TNS3: variants seen among roughly 807,000 people sequenced by gnomAD.
The protein encoded by TNS3 is tensin 3, also known as tensin-3.
A neutral mutation model predicts 140.9 loss-of-function variants in TNS3; 45 were observed. The observed-to-expected ratio is 0.32, with a 90% CI of 0.25 to 0.41. The LOEUF is 0.41. Among genes scored for constraint, TNS3 ranks in the 10% least tolerant of loss-of-function variants. TNS3 has a pLI of 1.00. For missense variants in TNS3, 1,716 were observed against 1,906.7 expected (o/e 0.90, Z 1.86); for synonymous variants, 815 against 788.4 (o/e 1.03, Z -0.56).
chr7:47,338,097 G>GT (rs1788735696), intron 20 of TNS3, among the ~76,000 whole-genome samples: 1 of 52,350 alleles, frequency 1.9e-5, no homozygotes, highest in East Asian at 5.2e-4. Flanking sequence ...ACTACAATTT[G>GT]TTTAACCACT....
intron 12 of TNS3, among the ~76,000 whole-genome samples, chr7:47,412,705 C>T (rs1349223737): frequency 6.6e-6 from 1 of 152,188 alleles, no homozygotes; most frequent in Non-Finnish European, 1.5e-5. Context: ...TCACAGTTAA[C>T]CTTCCCTATT....
chr7:47,344,926 T>C lies in TNS3; in HGVS notation c.2564A>G (p.Tyr855Cys), dbSNP rs1789243847. Residue 855 changes from tyrosine (Y) to cysteine (C), a missense_variant and splice_region_variant, in exon 19 of 31, where the codon TAT (tyrosine) becomes TGT (cysteine). By Grantham distance (194) the Tyr-to-Cys change is radical. Transcript: ENST00000311160. The stretch of plus-strand genomic sequence containing the variant: ...AGCTAGTGTTACTTCATTCTTACCA[T>C]ACGGTGTCTCTGGAGACACAGGAAA... ...PAFPVSPETP[Y>C]VKTALRHPPF... 3.1e-6 allele frequency: 5 copies of C among 1,614,094 alleles called. No homozygotes were observed. The highest frequency in any genetic ancestry group is 2.2e-5 in the East Asian group (1 of 44,886).
In TNS3 at chr7:47,302,291, A is replaced by G. The variant is rs552196324; in HGVS notation, c.3458-19T>C. On this transcript the variant is annotated intron_variant, in intron 22 of 30. Coordinates refer to ENST00000311160, the MANE Select transcript of TNS3 (RefSeq NM_022748.12). ...GGACTATCTGTAAAGCAAAATTTAA[A>G]AACAGTGACCATGATGGGCACTTTT... 3.7e-6 allele frequency: 6 copies of G among 1,603,884 alleles called. No individual in the cohort carries two copies. In the South Asian group the frequency reaches 6.6e-5, roughly 18 times the overall value.
chr7:47,333,106 C>CA (rs1788434150), intron 20 of TNS3, among the ~76,000 whole-genome samples: 1 of 147,272 alleles, frequency 6.8e-6, no homozygotes, highest in Admixed American at 6.8e-5. Flanking sequence ...AAGCCAACAC[C>CA]TTTTTTTTTT....
chr7:47,518,953 A>G (rs1394377112), intron 2 of TNS3, among the ~76,000 whole-genome samples: 2 of 152,218 alleles, frequency 1.3e-5, no homozygotes, highest in Non-Finnish European at 2.9e-5. Flanking sequence ...CAAATAGGAC[A>G]CTGAATCAGC....
intron 16 of TNS3, among the ~76,000 whole-genome samples, chr7:47,382,457 A>G (rs563432220): frequency 1.3e-5 from 2 of 152,182 alleles, no homozygotes; most frequent in South Asian, 2.1e-4. Context: ...GATTATATGG[A>G]GCCTGTGCAG....
Position 47,292,039 on chromosome 7 carries a change from G to A in TNS3, c.3851-7C>T, listed in dbSNP as rs775230325. ...GCTATTTCCTCCAATGGATCTGTAG[G>A]AAGGGGCAAGAAAATACAGAAATGA... On this transcript the variant is annotated splice_region_variant and splice_polypyrimidine_tract_variant and intron_variant, in intron 26 of 30. Coordinates refer to ENST00000311160, the MANE Select transcript of TNS3 (RefSeq NM_022748.12). 5 of 1,613,814 alleles carry A rather than the reference G, an allele frequency of 3.1e-6. No homozygotes were observed. Among genetic ancestry groups the A allele is most frequent in the South Asian group, 1.1e-5 (1 of 91,006 alleles).
chr7:47,413,892 C>A (rs1793925999), intron 12 of TNS3, 45 bp downstream of exon 12: 1 of 1,610,598 alleles, frequency 6.2e-7, no homozygotes, highest in Non-Finnish European at 8.5e-7. Flanking sequence ...GTTCCCTGAG[C>A]CGTCCAGGTC....
In TNS3 at chr7:47,389,086, G is replaced by GCA. The variant is rs1290389805; in HGVS notation, c.1024+7713_1024+7714insTG. On this transcript the variant is annotated intron_variant, in intron 16 of 30. Coordinates refer to ENST00000311160, the MANE Select transcript of TNS3 (RefSeq NM_022748.12). ...AAGAAGAAGAAGAAGAAGAAGAAGAGGAAGAGGAAGAGGAAGCGGAAGCAG... is the reference window on the plus strand; with the variant it reads ...AAGAAGAAGAAGAAGAAGAAGAAGAGCAGAAGAGGAAGAGGAAGCGGAAGCAG... 5.7e-5 allele frequency among the ~76,000 whole-genome samples: 3 copies of GCA among 52,368 alleles called. 1 individual carries two copies. Among genetic ancestry groups the GCA allele is most frequent in the African/African-American group, 4.6e-4 (3 of 6,546 alleles). The allele number at this position is 52,368 out of a possible 152,430, so 34.4% of individuals were successfully genotyped here.
In TNS3 at chr7:47,415,133, C is replaced by A. The variant is rs768391549; in HGVS notation, c.547G>T (p.Val183Phe). ...AAGTTGGGGGTGCCGTGGAGGATGACAAAATGCAGGAACAGGGGAGAGGCA... is the reference window on the plus strand; with the variant it reads ...AAGTTGGGGGTGCCGTGGAGGATGAAAAAATGCAGGAACAGGGGAGAGGCA... ...MNASPLFLHF[V>F]ILHGTPNFDT... The change falls in exon 11 of 31, where the codon GTC (valine) becomes TTC (phenylalanine). Residue 183 changes from valine (V) to phenylalanine (F), a missense_variant. Transcript: ENST00000311160. The A allele has an allele frequency of 1.2e-6, 2 of 1,612,296 alleles. No homozygotes were observed.
Position 47,483,565 on chromosome 7 carries a change from G to C in TNS3, c.-114-2424C>G, listed in dbSNP as rs920209213. Among the ~76,000 whole-genome samples, 3 of 152,164 alleles carry C rather than the reference G, an allele frequency of 2.0e-5. No homozygotes were observed. In the East Asian group the frequency reaches 5.8e-4, roughly 29 times the overall value. Reference sequence around the variant, plus strand: ...CTCTCTGGAAGCACACGTTTGTTGAGACAATGAAAAGAAAAGCCTTGTGCA... The same window carrying C: ...CTCTCTGGAAGCACACGTTTGTTGACACAATGAAAAGAAAAGCCTTGTGCA... On this transcript the variant is annotated intron_variant, in intron 3 of 30. Transcript: ENST00000311160.
chr7:47,467,103 A>T (rs1796751480), intron 4 of TNS3, among the ~76,000 whole-genome samples: 1 of 152,234 alleles, frequency 6.6e-6, no homozygotes, highest in Admixed American at 6.5e-5. Flanking sequence ...CAAAGCTAAC[A>T]GCTATTACAA....
chr7:47,493,545 G>A (rs551853415), intron 3 of TNS3, among the ~76,000 whole-genome samples: 6 of 152,032 alleles, frequency 3.9e-5, no homozygotes, highest in South Asian at 2.1e-4. Flanking sequence ...GAGGCCGGGC[G>A]CGGTGGCTCA....
intron 17 of TNS3, among the ~76,000 whole-genome samples, chr7:47,351,558 TAGA>T (rs1013606999): frequency 4.6e-5 from 7 of 152,024 alleles, no homozygotes; most frequent in African/African-American, 1.7e-4. Context: ...AGGTCCAAGG[TAGA>T]TGCCCAGGAA....
Position 47,461,029 on chromosome 7 carries a change from C to T in TNS3, c.-75-18974G>A, listed in dbSNP as rs535591805. The stretch of plus-strand genomic sequence containing the variant: ...ATTAACTTCAAAATTTATTTTCCAG[C>T]TGTTAGAATGTGTCCAGTCTCACTG... On this transcript the variant is annotated intron_variant, in intron 4 of 30. Transcript: ENST00000311160. Among the ~76,000 whole-genome samples, 31 of 152,192 alleles carry T rather than the reference C, an allele frequency of 2.0e-4. No individual in the cohort carries two copies. In the South Asian group the frequency reaches 6.4e-3, roughly 32 times the overall value.
chr7:47,487,340 C>T (rs987302290), intron 3 of TNS3, among the ~76,000 whole-genome samples: 1 of 151,778 alleles, frequency 6.6e-6, no homozygotes, highest in Admixed American at 6.6e-5. Context: ...AAGTGTCAAG[C>T]ATGCTTTTAC....
At chr7:47,298,706 C>G (rs552652964) in intron 23 of TNS3, among the ~76,000 whole-genome samples, 3 of 152,258 alleles carry the variant, frequency 2.0e-5, no homozygotes, top group Non-Finnish European at 4.4e-5. Context: ...ACCTCCACGG[C>G]GCACTCCCAC....
Position 47,379,149 on chromosome 7 carries a change from C to T in TNS3, c.1025-9528G>A, listed in dbSNP as rs575318269. Among the ~76,000 whole-genome samples, 11 of 152,266 alleles carry T rather than the reference C, an allele frequency of 7.2e-5. No homozygotes were observed. The South Asian group carries it at 1.2e-3, about 17-fold the overall frequency. Reference sequence around the variant, plus strand: ...CTCACATTTGCGAGGAGGGGAGGTACGGGTAGCCCGGGCAGTGTCCCAAGG... The same window carrying T: ...CTCACATTTGCGAGGAGGGGAGGTATGGGTAGCCCGGGCAGTGTCCCAAGG... On this transcript the variant is annotated intron_variant, in intron 16 of 30. Transcript: ENST00000311160.
intron 1 of TNS3, chr7:47,581,526 C>G (rs1490140127): frequency 6.6e-6 from 1 of 152,304 alleles, no homozygotes; most frequent in Non-Finnish European, 1.5e-5. Context: ...GAGACGGAGT[C>G]CTAGGGAGCA....
Sources: allele counts gnomAD v4.1 joint callset (sites outside exome capture counted in the v4.1 genomes callset), GRCh38; gene constraint gnomAD v4.1.1; transcripts MANE v1.5; gene names NCBI Gene and HGNC (gene_info 2026-07-23, HGNC 2026-07-21).